Variants in RALGPS1 observed in about 807,000 individuals in gnomAD.
RALGPS1 encodes ras-specific guanine nucleotide-releasing factor RalGPS1.
Under a neutral mutation model 78.8 loss-of-function variants are expected in RALGPS1, and 19 were observed. The observed-to-expected ratio is 0.24, with a 90% CI of 0.17 to 0.35. RALGPS1 has a LOEUF of 0.35. Among genes scored for constraint, RALGPS1 ranks in the 10% least tolerant of loss-of-function variants. RALGPS1 has a pLI of 1.00. For missense variants in RALGPS1, 454 were observed against 688.3 expected (o/e 0.66, Z 3.81); for synonymous variants, 228 against 256.3 (o/e 0.89, Z 1.06).
chr9:126,916,787 A>G (rs992361103), intron 1 of RALGPS1, among the ~76,000 whole-genome samples: 6 of 152,168 alleles, frequency 3.9e-5, no homozygotes, highest in Non-Finnish European at 8.8e-5. Context: ...CCATCTCAAA[A>G]CACACAAAAA....
intron 8 of RALGPS1, among the ~76,000 whole-genome samples, chr9:127,095,891 A>C (rs2053073677): frequency 6.6e-6 from 1 of 152,170 alleles, no homozygotes; most frequent in African/African-American, 2.4e-5. Flanking sequence ...CCTGACGGGA[A>C]GGCAGGGGCT....
At chr9:127,069,454 C>T (rs2050000870) in intron 8 of RALGPS1, 98 bp downstream of exon 8, 1 of 1,407,854 alleles carries the variant, frequency 7.1e-7, no homozygotes, top group African/African-American at 1.4e-5. Flanking sequence ...CAGGAAGCGA[C>T]ATGGCCCGTA....
At chr9:127,049,233 GAGCT>G (rs2048079605) in intron 5 of RALGPS1, among the ~76,000 whole-genome samples, 3 of 152,180 alleles carry the variant, frequency 2.0e-5, no homozygotes, top group African/African-American at 7.2e-5. Flanking sequence ...TAAACAGGAA[GAGCT>G]AGCCACTTCC....
rs528625939 is a variant in RALGPS1, at chr9:126,936,786, A to G, written c.-66+21811A>G. Among the ~76,000 whole-genome samples the G allele has an allele frequency of 2.0e-5, 3 of 152,306 alleles. No homozygotes were observed. The East Asian group carries it at 5.8e-4, about 29-fold the overall frequency. On this transcript the variant is annotated intron_variant, in intron 1 of 18. Coordinates refer to ENST00000259351, the MANE Select transcript of RALGPS1 (RefSeq NM_014636.3). Reference sequence around the variant, plus strand: ...CAGTGAAGTTCTCTAACCCAAGGACAAGGGAAGTGGAGTAGAGATATGGAG... The same window carrying G: ...CAGTGAAGTTCTCTAACCCAAGGACGAGGGAAGTGGAGTAGAGATATGGAG...
chr9:126,978,426 G>A (rs2040889436), intron 4 of RALGPS1: 1 of 151,936 alleles, frequency 6.6e-6, no homozygotes, highest in Non-Finnish European at 1.5e-5. Flanking sequence ...CAAGGTTTTG[G>A]TTATTTTACC....
At chr9:127,064,032 A>G (rs754139049) in intron 7 of RALGPS1, among the ~76,000 whole-genome samples, 2 of 152,234 alleles carry the variant, frequency 1.3e-5, no homozygotes, top group Non-Finnish European at 2.9e-5. Context: ...CCTGGAGTCC[A>G]TAATTTGTTG....
At chr9:126,942,165 C>A (rs1478142782) in intron 1 of RALGPS1, among the ~76,000 whole-genome samples, 1 of 152,168 alleles carries the variant, frequency 6.6e-6, no homozygotes, top group African/African-American at 2.4e-5. Flanking sequence ...TCACAAACAC[C>A]CTTTTCCCAG....
intron 8 of RALGPS1, among the ~76,000 whole-genome samples, chr9:127,150,207 C>T (rs1419358751): frequency 1.3e-5 from 2 of 152,208 alleles, no homozygotes; most frequent in African/African-American, 4.8e-5. Flanking sequence ...CATTCTTTTG[C>T]CTGCAGGCTC....
intron 8 of RALGPS1, chr9:127,108,889 C>CT: frequency 1.3e-6 from 1 of 791,308 alleles, no homozygotes; most frequent in African/African-American, 1.7e-5. Context: ...TCCAAAAACT[C>CT]TGCTTCAGGA....
chr9:127,173,019 G>T (rs570022814), intron 10 of RALGPS1, among the ~76,000 whole-genome samples: 1 of 152,308 alleles, frequency 6.6e-6, no homozygotes, highest in Middle Eastern at 3.4e-3. Flanking sequence ...CCTCCCATGT[G>T]TGTGAGGGGG....
At chr9:127,214,964 C>CCTCTT in intron 18 of RALGPS1, 122 bp downstream of exon 18, 1 of 1,482,502 alleles carries the variant, frequency 6.7e-7, no homozygotes, top group Admixed American at 2.3e-5. Flanking sequence ...TCTCAGATAC[C>CCTCTT]CTCTTCTGAT....
At chr9:127,011,337 C>T (rs2044323799) in intron 4 of RALGPS1, among the ~76,000 whole-genome samples, 1 of 152,056 alleles carries the variant, frequency 6.6e-6, no homozygotes, top group Non-Finnish European at 1.5e-5. Context: ...GCCACCATGC[C>T]CGGCTAATTT....
intron 4 of RALGPS1, among the ~76,000 whole-genome samples, chr9:127,033,301 G>T (rs1468023495): frequency 6.6e-6 from 1 of 152,118 alleles, no homozygotes; most frequent in Non-Finnish European, 1.5e-5. Flanking sequence ...CTTTAGCCAG[G>T]CTCCCACCAA....
At chr9:127,133,633 G>C (rs1483686270) in intron 8 of RALGPS1, among the ~76,000 whole-genome samples, 1 of 152,180 alleles carries the variant, frequency 6.6e-6, no homozygotes, top group Non-Finnish European at 1.5e-5. Flanking sequence ...CCCCAGGTTT[G>C]GCCCTCCTTC....
chr9:127,028,945 C>T (rs1339297736), intron 4 of RALGPS1, among the ~76,000 whole-genome samples: 5 of 152,134 alleles, frequency 3.3e-5, no homozygotes, highest in Admixed American at 2.6e-4. Context: ...AGAGCTCACT[C>T]CTGAGACCAG....
chr9:127,166,129 T>C lies in RALGPS1; in HGVS notation c.671T>C (p.Met224Thr). 1 of 1,613,532 alleles carries C rather than the reference T, an allele frequency of 6.2e-7. No individual in the cohort carries two copies. Among genetic ancestry groups the C allele is most frequent in the Admixed American group, 1.7e-5 (1 of 59,856 alleles). The change falls in exon 9 of 19, where the codon ATG becomes ACG. Residue 224 changes from methionine (M) to threonine (T), a missense_variant. Transcript: ENST00000259351. ...GCATATCCTGCCTCAGGCAGTATCA[T>C]GGAAAATGAACAAAGATCCAATCAG... Reference protein sequence around the residue: ...DSAYPASGSIMENEQRSNQMN... With the variant: ...DSAYPASGSITENEQRSNQMN...
At chr9:127,112,522 C>T (rs2054941173) in intron 8 of RALGPS1, among the ~76,000 whole-genome samples, 1 of 144,860 alleles carries the variant, frequency 6.9e-6, no homozygotes, top group Non-Finnish European at 1.6e-5. Context: ...CCAAGCCTTC[C>T]TGGACCTCCA....
chr9:127,200,089 C>T (rs1008440171), intron 14 of RALGPS1, among the ~76,000 whole-genome samples: 4 of 152,242 alleles, frequency 2.6e-5, no homozygotes, highest in South Asian at 2.1e-4. Flanking sequence ...TACACTCACA[C>T]GTACATATGC....
At chr9:126,933,768 T>C (rs947214139) in intron 1 of RALGPS1, among the ~76,000 whole-genome samples, 1 of 152,074 alleles carries the variant, frequency 6.6e-6, no homozygotes, top group African/African-American at 2.4e-5. Flanking sequence ...GGGAGACAAG[T>C]GGCCACGGAG....
Sources: gnomAD v4.1 joint callset for allele counts (sites outside exome capture counted in the v4.1 genomes callset) on GRCh38, gnomAD v4.1.1 for gene constraint, MANE v1.5 for transcripts, NCBI Gene and HGNC (gene_info 2026-07-23, HGNC 2026-07-21) for gene names.